Variants in FILIP1 observed in about 807,000 individuals in gnomAD.
The protein encoded by FILIP1 is filamin A interacting protein 1, also known as filamin-A-interacting protein 1.
In FILIP1, 61 loss-of-function variants were observed where a neutral mutation model predicts 102.1. That is an observed-to-expected ratio of 0.60 (90% CI 0.49 to 0.74). The LOEUF (loss-of-function observed/expected upper bound fraction) is 0.74. Among genes scored for constraint, FILIP1 ranks in the 30% least tolerant of loss-of-function variants. The probability of loss-of-function intolerance (pLI) is 0.00; values close to 1 mark genes in which losing one functional copy is unlikely to be tolerated. For synonymous variants in FILIP1, 491 were observed against 526.9 expected (o/e 0.93, Z 0.93); for missense variants, 1,314 against 1,441.2 (o/e 0.91, Z 1.43).
At chr6:75,322,705 T>A (rs1050236792) in intron 4 of FILIP1, among the ~76,000 whole-genome samples, 10 of 152,188 alleles carry the variant, frequency 6.6e-5, no homozygotes, top group Non-Finnish European at 1.0e-4. Flanking sequence ...AAATTATACT[T>A]TTTTTTGAGA....
intron 1 of FILIP1, among the ~76,000 whole-genome samples, chr6:75,438,481 G>A (rs1328718531): frequency 6.6e-6 from 1 of 152,172 alleles, no homozygotes; most frequent in African/African-American, 2.4e-5. Flanking sequence ...GCATATTATA[G>A]CTTTGGTGTA....
intron 2 of FILIP1, among the ~76,000 whole-genome samples, chr6:75,369,736 T>C (rs1775453886): frequency 1.3e-5 from 2 of 152,216 alleles, no homozygotes; most frequent in Non-Finnish European, 2.9e-5. Flanking sequence ...CTAAGATTAC[T>C]GAAAGACTTG....
At chr6:75,358,584 T>C (rs937064770) in intron 3 of FILIP1, 1 of 152,152 alleles carries the variant, frequency 6.6e-6, no homozygotes, top group Admixed American at 6.5e-5. Flanking sequence ...AGTGGTTATA[T>C]AAAATATGAA....
At chr6:75,449,322 G>C (rs1160324294) in intron 1 of FILIP1, among the ~76,000 whole-genome samples, 1 of 152,006 alleles carries the variant, frequency 6.6e-6, no homozygotes, top group Non-Finnish European at 1.5e-5. Context: ...TTGGGGACTT[G>C]GGGGGAAAGG....
intron 2 of FILIP1, chr6:75,386,371 T>C (rs1428455200): frequency 6.6e-6 from 1 of 152,202 alleles, no homozygotes; most frequent in Non-Finnish European, 1.5e-5. Context: ...ATTATGGGAA[T>C]ATCCCTAGAG....
chr6:75,387,121 T>C lies in FILIP1; in HGVS notation c.277-24204A>G, dbSNP rs188116969. On this transcript the variant is annotated intron_variant, in intron 2 of 5. Coordinates refer to ENST00000237172, the MANE Select transcript of FILIP1 (RefSeq NM_015687.5). ...CTTATGAGTGAGAACATGTGGTGTT[T>C]GGTTTTCTGTTCCTGTGTTAGTTTG... Among the ~76,000 whole-genome samples the C allele has an allele frequency of 5.2e-3, 787 of 152,238 alleles. 6 individuals carry two copies. Among genetic ancestry groups the C allele is most frequent in the African/African-American group, 0.018 (749 of 41,540 alleles).
intron 2 of FILIP1, chr6:75,366,095 G>A (rs1775322062): frequency 6.6e-6 from 1 of 152,196 alleles, no homozygotes; most frequent in African/African-American, 2.4e-5. Context: ...CTGGGTAAGT[G>A]TACTGAAAAC....
intron 2 of FILIP1, among the ~76,000 whole-genome samples, chr6:75,407,443 G>A (rs1274971715): frequency 6.6e-6 from 1 of 152,052 alleles, no homozygotes; most frequent in Non-Finnish European, 1.5e-5. Flanking sequence ...AGCCAGGATG[G>A]TCTCCATCTC....
At chr6:75,462,358 G>A (rs1779047281) in intron 1 of FILIP1, among the ~76,000 whole-genome samples, 1 of 152,102 alleles carries the variant, frequency 6.6e-6, no homozygotes, top group South Asian at 2.1e-4. Context: ...TGGATTGTGA[G>A]GAGGCCCAGA....
intron 3 of FILIP1, chr6:75,360,609 CT>C (rs1396322995): frequency 6.6e-6 from 1 of 152,324 alleles, no homozygotes; most frequent in Admixed American, 6.5e-5. Flanking sequence ...ATATTCCAGA[CT>C]TTAATTTACG....
intron 4 of FILIP1, among the ~76,000 whole-genome samples, chr6:75,333,016 CTAATT>C (rs1224072945): frequency 6.6e-6 from 1 of 152,178 alleles, no homozygotes; most frequent in Non-Finnish European, 1.5e-5. Flanking sequence ...TACTACTAAT[CTAATT>C]TGTCTCTTGG....
chr6:75,337,666 T>C (rs1228046884), intron 4 of FILIP1, among the ~76,000 whole-genome samples: 9 of 152,134 alleles, frequency 5.9e-5, no homozygotes, highest in Admixed American at 5.9e-4. Flanking sequence ...CTTCCTTAGT[T>C]GGGGCAGAGG....
chr6:75,353,217 A>T (rs1377929637), intron 4 of FILIP1, among the ~76,000 whole-genome samples: 1 of 152,132 alleles, frequency 6.6e-6, no homozygotes, highest in East Asian at 1.9e-4. Flanking sequence ...AAAAATAAAT[A>T]AAAAATAAAA....
chr6:75,482,228 C>A (rs567004348), intron 1 of FILIP1, among the ~76,000 whole-genome samples: 2 of 151,966 alleles, frequency 1.3e-5, no homozygotes, highest in Non-Finnish European at 2.9e-5. Flanking sequence ...AGAAGTGATG[C>A]GAGAAAGAAA....
chr6:75,299,285 T>G (rs1366052270), intron 6 of FILIP1, among the ~76,000 whole-genome samples: 2 of 152,202 alleles, frequency 1.3e-5, no homozygotes, highest in Non-Finnish European at 2.9e-5. Flanking sequence ...TAATTTTTCA[T>G]AACTTTTCTT....
At chr6:75,394,909 A>G (rs934300025) in intron 2 of FILIP1, among the ~76,000 whole-genome samples, 5 of 152,166 alleles carry the variant, frequency 3.3e-5, no homozygotes, top group Admixed American at 3.3e-4. Flanking sequence ...AATTTAATGA[A>G]GAGAAATACT....
intron 2 of FILIP1, among the ~76,000 whole-genome samples, chr6:75,408,224 C>T (rs149964766): frequency 2.6e-5 from 4 of 152,202 alleles, no homozygotes; most frequent in East Asian, 1.9e-4. Context: ...AGCTACTTCA[C>T]GCAGGCCATG....
intron 1 of FILIP1, among the ~76,000 whole-genome samples, chr6:75,445,219 C>T (rs544010533): frequency 6.6e-6 from 1 of 152,268 alleles, no homozygotes; most frequent in South Asian, 2.1e-4. Flanking sequence ...CAATTCTCTG[C>T]TCAAGATTCT....
intron 2 of FILIP1, among the ~76,000 whole-genome samples, chr6:75,402,665 T>C (rs1261474094): frequency 6.6e-6 from 1 of 152,214 alleles, no homozygotes; most frequent in South Asian, 2.1e-4. Flanking sequence ...ATAAGCCTAT[T>C]GTTCTTGGTT....
Sources: allele counts gnomAD v4.1 joint callset (sites outside exome capture counted in the v4.1 genomes callset), GRCh38; gene constraint gnomAD v4.1.1; transcripts MANE v1.5; gene names NCBI Gene and HGNC (gene_info 2026-07-23, HGNC 2026-07-21).